Variants in MTG1 observed in about 807,000 individuals in gnomAD.
The protein encoded by MTG1 is mitochondrial ribosome associated GTPase 1.
A neutral mutation model predicts 39.5 loss-of-function variants in MTG1; 30 were observed. That is an observed-to-expected ratio of 0.76 (90% CI 0.57 to 1.03). The LOEUF is 1.03. Ranked by LOEUF, MTG1 falls within the 50% of genes least tolerant of loss-of-function variation. MTG1 has a pLI of 0.00. For missense variants in MTG1, 513 were observed against 447.4 expected, an observed-to-expected ratio of 1.15 and a Z score of -1.32; for synonymous variants, 217 against 179.0, an observed-to-expected ratio of 1.21 and a Z score of -1.69.
At position 133,399,204 on chromosome 10, in the gene MTG1, G is replaced by A; in HGVS notation, c.398G>A (p.Ser133Asn). The change falls in exon 5 of 11, where the codon AGC (serine) becomes AAC (asparagine). Residue 133 changes from serine (S) to asparagine (N), a missense_variant. Ser to Asn is a conservative substitution (Grantham distance 46). Coordinates refer to ENST00000317502, the MANE Select transcript of MTG1 (RefSeq NM_138384.4). Reference sequence around the variant, plus strand: ...ATGGTCACTGAACTGATTGGGAGAAGCCACCGCTACCACCGAAAAGAGGTT... The same window carrying A: ...ATGGTCACTGAACTGATTGGGAGAAACCACCGCTACCACCGAAAAGAGGTT... ...IPMVTELIGR[S>N]HRYHRKENLE... 3 of 1,614,156 alleles carry A rather than the reference G, an allele frequency of 1.9e-6. No individual in the cohort carries two copies. Among genetic ancestry groups the A allele is most frequent in the Non-Finnish European group, 1.7e-6 (2 of 1,180,032 alleles).
chr10:133,416,935 G>A (rs1472496190), intron 9 of MTG1, among the ~76,000 whole-genome samples: 1 of 151,810 alleles, frequency 6.6e-6, no homozygotes, highest in African/African-American at 2.4e-5. Flanking sequence ...GGGATAGCTG[G>A]GTCAAATGGT....
chr10:133,396,463 G>C (rs1048692275), intron 3 of MTG1, among the ~76,000 whole-genome samples, 196 bp downstream of exon 3: 4 of 152,174 alleles, frequency 2.6e-5, no homozygotes, highest in African/African-American at 9.7e-5. Context: ...TGTGTGGTTC[G>C]TGACCTGGAC....
chr10:133,420,392 G>A lies in MTG1; in HGVS notation c.*227G>A, dbSNP rs564367123. 3.5e-5 allele frequency: 16 copies of A among 454,718 alleles called. No homozygotes were observed. Among genetic ancestry groups the A allele is most frequent in the African/African-American group, 1.4e-4 (7 of 49,950 alleles). The allele number at this position is 454,718 out of a possible 1,614,324, so 28.2% of individuals were successfully genotyped here. ...CCAGTGGACGTCCCTGAGCAGCTCC[G>A]CATGCTTGGTTCTCCCGGAGCTTCC... On this transcript the variant is annotated 3_prime_UTR_variant, in exon 11 of 11. Transcript: ENST00000317502.
At chr10:133,410,186 A>G (rs1850024871) in intron 9 of MTG1, among the ~76,000 whole-genome samples, 1 of 152,092 alleles carries the variant, frequency 6.6e-6, no homozygotes, top group Non-Finnish European at 1.5e-5. Context: ...TTAGGACTAC[A>G]GGCGTGTGCC....
rs572470332 is a variant in MTG1, at chr10:133,417,510, G to T, written c.753-1970G>T. Among the ~76,000 whole-genome samples, 7 of 151,086 alleles carry T rather than the reference G, an allele frequency of 4.6e-5. No individual in the cohort carries two copies. The East Asian group carries it at 1.4e-3, about 29-fold the overall frequency. The stretch of plus-strand genomic sequence containing the variant: ...TCTCACCACTCCTATTCAACATAGT[G>T]TTGGAAGTTCTGGCCAGGGCAGTTA... On this transcript the variant is annotated intron_variant, in intron 9 of 10. Coordinates refer to ENST00000317502, the MANE Select transcript of MTG1 (RefSeq NM_138384.4).
At position 133,402,468 on chromosome 10, in the gene MTG1, C is replaced by G; in HGVS notation, c.670+223C>G. 2 of 694,162 alleles carry G rather than the reference C, an allele frequency of 2.9e-6. No homozygotes were observed. Among genetic ancestry groups the G allele is most frequent in the South Asian group, 3.6e-5 (2 of 55,588 alleles). The allele number at this position is 694,162 out of a possible 1,614,324, so 43.0% of individuals were successfully genotyped here. A position where few individuals can be genotyped will look rare whatever the true frequency, so the allele number is the denominator to read the frequency against. On this transcript the variant is annotated intron_variant, in intron 8 of 10. Transcript: ENST00000317502. The surrounding 1 kb of genome is among the most constrained non-coding windows in gnomAD (Gnocchi z 4.7). ...GCCCCATGAGTGGCCTTCCCTTTCC[C>G]CATTTGACGGACCAGGGCAGAGAGG...
chr10:133,394,594 A>G (rs1849753118), intron 1 of MTG1: 1 of 1,296,732 alleles, frequency 7.7e-7, no homozygotes, highest in South Asian at 2.1e-5. Context: ...TTGACCTCCT[A>G]CCTCTGGCCC....
intron 3 of MTG1, 110 bp from the exon 4 acceptor site, chr10:133,398,325 G>A: frequency 5.9e-6 from 6 of 1,008,672 alleles, no homozygotes; most frequent in Non-Finnish European, 8.8e-6. Flanking sequence ...GCTTGAACCA[G>A]GGAGGCGGAG....
Position 133,398,992 on chromosome 10 carries a change from G to A in MTG1, c.364-178G>A, listed in dbSNP as rs568206407. Among the ~76,000 whole-genome samples the A allele has an allele frequency of 3.3e-5, 5 of 152,266 alleles. No homozygotes were observed. In the East Asian group the frequency reaches 5.8e-4, roughly 18 times the overall value. On this transcript the variant is annotated intron_variant, in intron 4 of 10. Coordinates refer to ENST00000317502, the MANE Select transcript of MTG1 (RefSeq NM_138384.4). Reference sequence around the variant, plus strand: ...GTGCTACCTCCAGATGAAGGGTGACGCCCAGTTTGCCTATGAAATGTTGGG... The same window carrying A: ...GTGCTACCTCCAGATGAAGGGTGACACCCAGTTTGCCTATGAAATGTTGGG...
intron 9 of MTG1, among the ~76,000 whole-genome samples, chr10:133,407,850 G>C (rs925636628): frequency 6.6e-6 from 1 of 152,196 alleles, no homozygotes; most frequent in Admixed American, 6.5e-5. Context: ...GATTACAGGC[G>C]TGAGCCACCG....
intron 9 of MTG1, among the ~76,000 whole-genome samples, chr10:133,406,288 A>G (rs1191843925): frequency 6.6e-6 from 1 of 152,088 alleles, no homozygotes. Context: ...TTATCTTGTC[A>G]GTGCTTTGAT....
At position 133,410,231 on chromosome 10, in the gene MTG1, A is replaced by T. The variant is rs115987597; in HGVS notation, c.752+7458A>T. Among the ~76,000 whole-genome samples, 715 of 151,820 alleles carry T rather than the reference A, an allele frequency of 4.7e-3. 3 individuals are homozygous for T. Among genetic ancestry groups the T allele is most frequent in the South Asian group, 0.02 (95 of 4,806 alleles). ...GGCTGTTTTATTTATTTATTTATTT[A>T]TTTTTTGTAGAGGCGAGGTCTTGCT... On this transcript the variant is annotated intron_variant, in intron 9 of 10. Transcript: ENST00000317502.
chr10:133,418,649 T>G (rs1850172830), intron 9 of MTG1, among the ~76,000 whole-genome samples: 1 of 152,006 alleles, frequency 6.6e-6, no homozygotes. Flanking sequence ...GGCCTTGGGG[T>G]GAGTCCTCTG....
At chr10:133,394,854 T>G in intron 1 of MTG1, 3 of 617,382 alleles carry the variant, frequency 4.9e-6, no homozygotes, top group Non-Finnish European at 6.1e-6. Context: ...GCCCAGCCCG[T>G]CTAGGTGTTG....
In MTG1 at chr10:133,402,406, G is replaced by A. The variant is rs1849895773; in HGVS notation, c.670+161G>A. ...GAAGCTTAGTGTGAGAGCTGTAATA[G>A]TGCACAGCTGACAGGCACTGGTCAC... On this transcript the variant is annotated intron_variant, in intron 8 of 10. Coordinates refer to ENST00000317502, the MANE Select transcript of MTG1 (RefSeq NM_138384.4). This position sits in a 1 kb window ranked among gnomAD's most constrained non-coding sequence, Gnocchi z 4.7. 1.2e-6 allele frequency: 1 copy of A among 808,422 alleles called. No homozygotes were observed. Among genetic ancestry groups the A allele is most frequent in the Non-Finnish European group, 2.0e-6 (1 of 499,792 alleles). The allele number at this position is 808,422 out of a possible 1,614,324, so 50.1% of individuals were successfully genotyped here.
chr10:133,396,406 G>A, intron 3 of MTG1, 139 bp downstream of exon 3: 1 of 714,834 alleles, frequency 1.4e-6, no homozygotes, highest in South Asian at 1.7e-5. Context: ...CCTTTGCTTT[G>A]CAGAAGCGTG....
At chr10:133,405,436 G>T (rs796753249) in intron 9 of MTG1, among the ~76,000 whole-genome samples, 5 of 152,258 alleles carry the variant, frequency 3.3e-5, no homozygotes, top group African/African-American at 1.2e-4. Context: ...GAAATATCCT[G>T]TAGATTCCTG....
rs1850219339 is a variant in MTG1 at position 133,420,768 on chromosome 10, G to A, written c.*603G>A. On this transcript the variant is annotated 3_prime_UTR_variant, in exon 11 of 11. Transcript: ENST00000317502. ...CACTGGCTTCGCCCCTCAGTGCCCT[G>A]GGGCATGTTCAGGGCAGGGTTGAGG... 1 of 152,650 alleles carries A rather than the reference G, an allele frequency of 6.6e-6. No homozygotes were observed. The highest frequency in any genetic ancestry group is 2.4e-5 in the African/African-American group (1 of 41,486). The allele number at this position is 152,650 out of a possible 1,614,324, so 9.5% of individuals were successfully genotyped here.
Position 133,420,310 on chromosome 10 carries a change from C to G in MTG1, c.*145C>G. On this transcript the variant is annotated 3_prime_UTR_variant, in exon 11 of 11. Transcript: ENST00000317502. ...GCTCTCTGGCGCCCCACAGCCTGGC[C>G]AGCTCCAGGGACCCCAGTTGCAGGG... 1 of 1,017,668 alleles carries G rather than the reference C, an allele frequency of 9.8e-7. No homozygotes were observed. Among genetic ancestry groups the G allele is most frequent in the Non-Finnish European group, 1.3e-6 (1 of 744,874 alleles). The allele number at this position is 1,017,668 out of a possible 1,614,324, so 63.0% of individuals were successfully genotyped here. A position where few individuals can be genotyped will look rare whatever the true frequency, so the allele number is the denominator to read the frequency against.
Sources: gnomAD v4.1 joint callset for allele counts (sites outside exome capture counted in the v4.1 genomes callset) on GRCh38, gnomAD v4.1.1 for gene constraint, Gnocchi (gnomAD v3.1) non-coding constraint, MANE v1.5 for transcripts, NCBI Gene and HGNC (gene_info 2026-07-23, HGNC 2026-07-21) for gene names.